The following SMIM35 variants were observed in gnomAD, a reference collection of about 807,000 sequenced individuals.
SMIM35 encodes the protein TMPRSS4 antisense RNA 1 (non-protein coding).
chr11:118,070,270 G>A (rs755433125), intron 1 of SMIM35, among the ~76,000 whole-genome samples: 25 of 152,014 alleles, frequency 1.6e-4, no homozygotes, highest in Non-Finnish European at 3.4e-4. Flanking sequence ...TCCGCCTCCC[G>A]GGTTCAAGTG....
chr11:118,032,364 C>T (rs565124893), intron 1 of SMIM35, among the ~76,000 whole-genome samples: 6 of 151,972 alleles, frequency 3.9e-5, no homozygotes, highest in African/African-American at 1.2e-4. Context: ...TAGAGTAATA[C>T]GAATAATTAT....
At chr11:118,019,266 C>T (rs1438617193) in intron 1 of SMIM35, among the ~76,000 whole-genome samples, 2 of 152,086 alleles carry the variant, frequency 1.3e-5, no homozygotes, top group Non-Finnish European at 2.9e-5. Context: ...ACCAACAAAC[C>T]ATCTAAAACA....
At chr11:118,017,315 C>T (rs1239009197) in intron 1 of SMIM35, among the ~76,000 whole-genome samples, 1 of 152,166 alleles carries the variant, frequency 6.6e-6, no homozygotes, top group Non-Finnish European at 1.5e-5. Context: ...CTGGGCTGAG[C>T]TCCAAGACAG....
At chr11:118,076,354 C>T (rs190254530) in intron 1 of SMIM35, among the ~76,000 whole-genome samples, 3 of 150,306 alleles carry the variant, frequency 2.0e-5, no homozygotes, top group East Asian at 2.0e-4. Flanking sequence ...GGCTGGAGCA[C>T]GAGAATTGCT....
intron 1 of SMIM35, among the ~76,000 whole-genome samples, chr11:118,063,434 C>T (rs990487414): frequency 7.9e-5 from 12 of 152,172 alleles, no homozygotes; most frequent in South Asian, 2.1e-4. Flanking sequence ...CTTCTTTACC[C>T]TCTTCATGTT....
Position 118,005,533 on chromosome 11 carries a change from A to G in SMIM35, c.*877T>C, listed in dbSNP as rs2058116889. 6.6e-6 allele frequency: 1 copy of G among 152,194 alleles called. No homozygotes were observed. The highest frequency in any genetic ancestry group is 6.6e-5 in the Admixed American group (1 of 15,262). The allele number at this position is 152,194 out of a possible 1,614,324, so 9.4% of individuals were successfully genotyped here. On this transcript the variant is annotated 3_prime_UTR_variant, in exon 5 of 5. Transcript: ENST00000689828. ...AATTATAGTGTCTACAACAGAGCTC[A>G]TGATTCCCCTGACACTCCTTCCTCC...
At chr11:118,018,026 C>A (rs770855794) in intron 1 of SMIM35, among the ~76,000 whole-genome samples, 2 of 152,136 alleles carry the variant, frequency 1.3e-5, no homozygotes, top group African/African-American at 2.4e-5. Context: ...CACAGCCAAA[C>A]CATACCAGGA....
At chr11:118,059,481 G>A (rs1296145828) in intron 1 of SMIM35, 2 of 152,290 alleles carry the variant, frequency 1.3e-5, no homozygotes, top group East Asian at 3.8e-4. Flanking sequence ...TGGAACATGA[G>A]CAGCCTCATA....
chr11:118,070,367 G>T (rs143620404), intron 1 of SMIM35, among the ~76,000 whole-genome samples: 4,823 of 152,180 alleles, frequency 0.032, 170 homozygotes, highest in East Asian at 0.19. Flanking sequence ...AGTAGAGACG[G>T]GGTTTCACCC....
At chr11:118,052,157 C>T (rs1357993603) in intron 1 of SMIM35, among the ~76,000 whole-genome samples, 1 of 152,158 alleles carries the variant, frequency 6.6e-6, no homozygotes. Flanking sequence ...GTGCTCTTTG[C>T]ATAAACACCA....
In SMIM35 at chr11:118,076,333, G is replaced by A. The variant is rs542874598; in HGVS notation, c.7+10418C>T. Among the ~76,000 whole-genome samples, 14 of 152,244 alleles carry A rather than the reference G, an allele frequency of 9.2e-5. No individual in the cohort carries two copies. In the South Asian group the frequency reaches 2.9e-3, roughly 32 times the overall value. On this transcript the variant is annotated intron_variant, in intron 1 of 4. Transcript: ENST00000689828. ...GTGGTGGCAGGTGGCTGTAGTCCCA[G>A]CTACTCGAGAGGCTGGAGCACGAGA...
In SMIM35 at chr11:118,021,046, G is replaced by GGTTTTTTTTTTTTGTT. The variant is rs146664745; in HGVS notation, c.8-5238_8-5237insAACAAAAAAAAAAAAC. On this transcript the variant is annotated intron_variant, in intron 1 of 4. Transcript: ENST00000689828. ...TTTAGTTTCCAAATTCACAGGGTAA[G>GGTTTTTTTTTTTTGTT]GTTTTTTTTTTTACTATTTATTAAG... Among the ~76,000 whole-genome samples the GGTTTTTTTTTTTTGTT allele has an allele frequency of 4.6e-5, 6 of 130,814 alleles. No individual in the cohort carries two copies. The East Asian group carries it at 8.6e-4, about 19-fold the overall frequency. The allele number at this position is 130,814 out of a possible 152,430, so 85.8% of individuals were successfully genotyped here. A position where few individuals can be genotyped will look rare whatever the true frequency, so the allele number is the denominator to read the frequency against.
chr11:118,051,260 G>A (rs780061586), intron 1 of SMIM35, among the ~76,000 whole-genome samples: 4 of 152,200 alleles, frequency 2.6e-5, no homozygotes, highest in Non-Finnish European at 5.9e-5. Flanking sequence ...ACAGATGGGA[G>A]TTTCTCACAC....
At chr11:118,040,952 A>G (rs1032620711) in intron 1 of SMIM35, among the ~76,000 whole-genome samples, 2 of 151,438 alleles carry the variant, frequency 1.3e-5, no homozygotes, top group Admixed American at 6.6e-5. Flanking sequence ...TATATTGCAT[A>G]ATATAATAAT....
intron 1 of SMIM35, among the ~76,000 whole-genome samples, chr11:118,035,872 T>C (rs912324302): frequency 6.6e-6 from 1 of 152,208 alleles, no homozygotes; most frequent in Non-Finnish European, 1.5e-5. Flanking sequence ...ATTAGTATCC[T>C]AATATGTGGT....
intron 1 of SMIM35, among the ~76,000 whole-genome samples, chr11:118,077,493 C>T (rs1944749397): frequency 6.6e-6 from 1 of 152,236 alleles, no homozygotes; most frequent in Admixed American, 6.5e-5. Context: ...GCCTTCCTCT[C>T]TTCCTCCATT....
chr11:118,077,039 T>C (rs761493298), intron 1 of SMIM35: 5 of 466,350 alleles, frequency 1.1e-5, no homozygotes, highest in Non-Finnish European at 1.9e-5. Context: ...ACTTCACTTG[T>C]AGGGCTGTTT....
chr11:118,061,294 T>C (rs1015340028), intron 1 of SMIM35, among the ~76,000 whole-genome samples: 1 of 152,250 alleles, frequency 6.6e-6, no homozygotes, highest in Non-Finnish European at 1.5e-5. Flanking sequence ...TGAGAGTGTT[T>C]CCCTGTAGGT....
intron 1 of SMIM35, among the ~76,000 whole-genome samples, chr11:118,049,382 T>C (rs1287891406): frequency 7.4e-6 from 1 of 134,692 alleles, no homozygotes; most frequent in Non-Finnish European, 1.5e-5. Context: ...AGAGCCTTGC[T>C]CTGTCACCCA....
Sources: gnomAD v4.1 joint callset for allele counts (sites outside exome capture counted in the v4.1 genomes callset) on GRCh38, gnomAD v4.1.1 for gene constraint, MANE v1.5 for transcripts, NCBI Gene and HGNC (gene_info 2026-07-23, HGNC 2026-07-21) for gene names.